SLC6A17: variants seen among roughly 807,000 people sequenced by gnomAD.
SLC6A17 encodes solute carrier family 6 member 17, also known as sodium-dependent neutral amino acid transporter SLC6A17.
SLC6A17 carries 21 observed loss-of-function variants against 64.5 expected under a neutral mutation model. The ratio of observed to expected loss-of-function variants is 0.33; its 90% CI spans 0.23 to 0.47. SLC6A17 has a LOEUF of 0.47. Among genes scored for constraint, SLC6A17 ranks in the 20% least tolerant of loss-of-function variants. SLC6A17 has a pLI of 1.00. For missense variants in SLC6A17, 682 were observed against 963.2 expected (o/e 0.71, Z 3.86); for synonymous variants, 372 against 399.5 (o/e 0.93, Z 0.82).
At chr1:110,152,417 CGT>C (rs1051609739) in intron 1 of SLC6A17, among the ~76,000 whole-genome samples, 1 of 152,168 alleles carries the variant, frequency 6.6e-6, no homozygotes, top group Non-Finnish European at 1.5e-5. Context: ...CACACAGAGT[CGT>C]GTGTCAGCTG....
intron 1 of SLC6A17, among the ~76,000 whole-genome samples, chr1:110,155,540 C>T (rs531188757): frequency 3.0e-4 from 46 of 152,250 alleles, no homozygotes; most frequent in Middle Eastern, 6.8e-3. Context: ...CAGTCTATGT[C>T]CTCTTGTGGA....
At chr1:110,195,851 C>T in intron 10 of SLC6A17, 106 bp downstream of exon 10, 1 of 1,487,532 alleles carries the variant, frequency 6.7e-7, no homozygotes, top group South Asian at 1.3e-5. Context: ...TGAAAGTGCC[C>T]TTACGGATCA....
In SLC6A17 at chr1:110,165,233, C is replaced by T. The variant is rs543674793; in HGVS notation, c.-87-1610C>T. ...GCGTAACTCCTAGGGCCGTACTTCA[C>T]TTGTGTAGCACAGGCAACACGGCAG... On this transcript the variant is annotated intron_variant, in intron 1 of 11. Transcript: ENST00000331565. 2.6e-5 allele frequency among the ~76,000 whole-genome samples: 4 copies of T among 152,276 alleles called. No individual in the cohort carries two copies. The South Asian group carries it at 6.2e-4, about 24-fold the overall frequency.
rs35094485 is a variant in SLC6A17 at position 110,173,759 on chromosome 1, A to C, written c.445-214A>C. Among the ~76,000 whole-genome samples the C allele has an allele frequency of 3.9e-4, 60 of 152,364 alleles. No homozygotes were observed. In the East Asian group the frequency reaches 0.011, roughly 28 times the overall value. ...AAGAGAGAACTTTAACATCTGAAAA[A>C]TTCCTTTGTGGATTTCCTGAATACC... On this transcript the variant is annotated intron_variant, in intron 3 of 11. Transcript: ENST00000331565.
chr1:110,155,267 C>T (rs112665935), intron 1 of SLC6A17, among the ~76,000 whole-genome samples: 3,416 of 152,274 alleles, frequency 0.022, 137 homozygotes, highest in African/African-American at 0.077. Flanking sequence ...CTTTCTCTTC[C>T]TTCTCCTCCT....
At chr1:110,169,446 T>G (rs1656158789) in intron 2 of SLC6A17, among the ~76,000 whole-genome samples, 1 of 152,194 alleles carries the variant, frequency 6.6e-6, no homozygotes, top group African/African-American at 2.4e-5. Context: ...TTTACCCAGA[T>G]GAGAAAACCA....
intron 8 of SLC6A17, among the ~76,000 whole-genome samples, chr1:110,193,023 A>T (rs904843799): frequency 1.3e-5 from 2 of 152,166 alleles, no homozygotes; most frequent in Non-Finnish European, 2.9e-5. Flanking sequence ...TACTCAGAAC[A>T]GTGCCTTGAC....
At chr1:110,153,670 T>A (rs1044749914) in intron 1 of SLC6A17, among the ~76,000 whole-genome samples, 6 of 152,198 alleles carry the variant, frequency 3.9e-5, no homozygotes, top group Non-Finnish European at 7.3e-5. Context: ...CTTCTGCCTG[T>A]GTACCCTCCC....
At chr1:110,186,910 A>C (rs1197835034) in intron 6 of SLC6A17, among the ~76,000 whole-genome samples, 1 of 152,248 alleles carries the variant, frequency 6.6e-6, no homozygotes, top group Non-Finnish European at 1.5e-5. Flanking sequence ...GTAGGAGTTT[A>C]CCAGAAAGTG....
rs1656843947 is a variant in SLC6A17 at position 110,192,157 on chromosome 1, G to A, written c.1050G>A (p.Val350=). 2 of 1,614,086 alleles carry A rather than the reference G, an allele frequency of 1.2e-6. No homozygotes were observed. Among genetic ancestry groups the A allele is most frequent in the African/African-American group, 2.7e-5 (2 of 74,932 alleles). Residue 350 remains valine, a synonymous_variant, in exon 7 of 12, where the codon GTG becomes GTA. Coordinates refer to ENST00000331565, the MANE Select transcript of SLC6A17 (RefSeq NM_001010898.4). The surrounding 1 kb of genome is among the most constrained non-coding windows in gnomAD (Gnocchi z 4.3). Reference sequence around the variant, plus strand: ...TCACGTCAGTGTTGGCCACCCTCGTGGTGTTTGCTGTGCTGGGCTTCAAGG... The same window carrying A: ...TCACGTCAGTGTTGGCCACCCTCGTAGTGTTTGCTGTGCTGGGCTTCAAGG... ...NFFTSVLATL[V]VFAVLGFKAN...
intron 8 of SLC6A17, among the ~76,000 whole-genome samples, chr1:110,193,873 T>C (rs1656891774): frequency 6.6e-6 from 1 of 152,196 alleles, no homozygotes; most frequent in African/African-American, 2.4e-5. Context: ...AATGACAAGA[T>C]TATACACTCA....
chr1:110,186,567 A>G (rs929403841), intron 6 of SLC6A17, among the ~76,000 whole-genome samples: 7 of 152,376 alleles, frequency 4.6e-5, no homozygotes, highest in Admixed American at 3.9e-4. Context: ...TCTAGAAGAC[A>G]GCATCTTAGC....
chr1:110,194,774 A>T lies in SLC6A17; in HGVS notation c.1492+3A>T, dbSNP rs367749439. 1 of 1,612,170 alleles carries T rather than the reference A, an allele frequency of 6.2e-7. No individual in the cohort carries two copies. Among genetic ancestry groups the T allele is most frequent in the Non-Finnish European group, 8.5e-7 (1 of 1,180,022 alleles). On this transcript the variant is annotated splice_donor_region_variant and intron_variant, in intron 9 of 11. Transcript: ENST00000331565. ...GGTGCCCAAGGAGATGTTCACAGGTAACTCCTCCCTGCCCCCATGCCCAGG... is the reference window on the plus strand; with the variant it reads ...GGTGCCCAAGGAGATGTTCACAGGTTACTCCTCCCTGCCCCCATGCCCAGG...
intron 2 of SLC6A17, among the ~76,000 whole-genome samples, chr1:110,168,761 G>C (rs1207367713): frequency 6.6e-6 from 1 of 152,186 alleles, no homozygotes; most frequent in African/African-American, 2.4e-5. Flanking sequence ...TTCTGCCTGG[G>C]CACTTGGTGA....
chr1:110,153,550 T>TGTGTGTGTGTGTGTGTGTGC (rs1019826859), intron 1 of SLC6A17, among the ~76,000 whole-genome samples: 9 of 151,698 alleles, frequency 5.9e-5, no homozygotes, highest in Admixed American at 1.3e-4. Flanking sequence ...TGTGTGTGTG[T>TGTGTGTGTGTGTGTGTGTGC]GCATTGCATT....
intron 1 of SLC6A17, among the ~76,000 whole-genome samples, chr1:110,163,223 G>T (rs368478636): frequency 1.1e-4 from 16 of 152,046 alleles, no homozygotes; most frequent in Admixed American, 6.5e-4. Flanking sequence ...TGCATGGTAG[G>T]ACTTTCTAGG....
Position 110,190,120 on chromosome 1 carries a change from G to C in SLC6A17, c.865-1852G>C, listed in dbSNP as rs1195218397. Among the ~76,000 whole-genome samples the C allele has an allele frequency of 3.3e-5, 5 of 152,328 alleles. No homozygotes were observed. In the East Asian group the frequency reaches 7.7e-4, roughly 24 times the overall value. ...GATGGATGAGTGGCTACATGTCATT[G>C]CCACAGGGAGGCCTTGACACCTTAT... On this transcript the variant is annotated intron_variant, in intron 6 of 11. Coordinates refer to ENST00000331565, the MANE Select transcript of SLC6A17 (RefSeq NM_001010898.4).
intron 1 of SLC6A17, among the ~76,000 whole-genome samples, chr1:110,156,707 G>C (rs986224092): frequency 1.3e-5 from 2 of 152,176 alleles, no homozygotes; most frequent in African/African-American, 4.8e-5. Flanking sequence ...GTCCCAATAG[G>C]ATGCTTTTCT....
intron 2 of SLC6A17, among the ~76,000 whole-genome samples, chr1:110,169,071 T>G (rs532739208): frequency 6.6e-6 from 1 of 152,340 alleles, no homozygotes; most frequent in Non-Finnish European, 1.5e-5. Context: ...TCAAGTTGTC[T>G]TAAATATTTT....
Sources: gnomAD v4.1 joint callset for allele counts (sites outside exome capture counted in the v4.1 genomes callset) on GRCh38, gnomAD v4.1.1 for gene constraint, Gnocchi (gnomAD v3.1) non-coding constraint, MANE v1.5 for transcripts, NCBI Gene and HGNC (gene_info 2026-07-23, HGNC 2026-07-21) for gene names.